The following FBXO16 variants were observed in gnomAD, a reference collection of about 807,000 sequenced individuals.
The protein encoded by FBXO16 is F-box only protein 16.
FBXO16 carries 31 observed loss-of-function variants against 41.0 expected under a neutral mutation model. The ratio of observed to expected loss-of-function variants is 0.76; its 90% CI spans 0.57 to 1.02. The LOEUF (loss-of-function observed/expected upper bound fraction) is 1.02, where lower values mean the gene tolerates loss of function less well. FBXO16 is among the 50% of genes least tolerant of loss of function. The pLI, the probability that FBXO16 is intolerant of heterozygous loss-of-function variation, is 0.00. For synonymous variants in FBXO16, 133 were observed against 117.8 expected, an observed-to-expected ratio of 1.13 and a Z score of -0.84; for missense variants, 361 against 346.2, an observed-to-expected ratio of 1.04 and a Z score of -0.34.
At chr8:28,451,532 C>G (rs1037174492) in intron 6 of FBXO16, among the ~76,000 whole-genome samples, 2 of 150,768 alleles carry the variant, frequency 1.3e-5, no homozygotes, top group African/African-American at 2.4e-5. Flanking sequence ...GCTTTACTTT[C>G]GGAATGTATT....
chr8:28,454,360 T>C (rs1803002800), intron 5 of FBXO16, among the ~76,000 whole-genome samples: 1 of 151,744 alleles, frequency 6.6e-6, no homozygotes, highest in Admixed American at 6.6e-5. Flanking sequence ...CTGCTGGGAA[T>C]AAATAACATA....
chr8:28,452,564 G>A (rs1802973125), intron 5 of FBXO16, 88 bp from the exon 6 acceptor site: 10 of 1,262,822 alleles, frequency 7.9e-6, no homozygotes, highest in Non-Finnish European at 1.1e-6. Flanking sequence ...ACTTTGGGAG[G>A]CCAAGGCAGG....
chr8:28,473,617 T>A (rs1014956566), intron 3 of FBXO16, among the ~76,000 whole-genome samples, 155 bp downstream of exon 3: 2 of 152,196 alleles, frequency 1.3e-5, no homozygotes, highest in East Asian at 3.9e-4. Flanking sequence ...TCCGGAACCA[T>A]GAAAAACAAA....
At chr8:28,464,562 T>C (rs763202544) in intron 3 of FBXO16, among the ~76,000 whole-genome samples, 1 of 152,238 alleles carries the variant, frequency 6.6e-6, no homozygotes, top group Non-Finnish European at 1.5e-5. Flanking sequence ...TTTTCTTCCC[T>C]GGCCCATTGG....
intron 2 of FBXO16, among the ~76,000 whole-genome samples, chr8:28,478,109 G>T (rs547648046): frequency 6.6e-6 from 1 of 152,178 alleles, no homozygotes; most frequent in Admixed American, 6.5e-5. Flanking sequence ...TACACACAAA[G>T]ATTTTTAAAA....
intron 7 of FBXO16, among the ~76,000 whole-genome samples, chr8:28,437,733 T>C (rs1261351378): frequency 6.6e-6 from 1 of 151,586 alleles, no homozygotes; most frequent in Admixed American, 6.6e-5. Context: ...ATTAACCAGG[T>C]GTGGTGGTGT....
intron 7 of FBXO16, among the ~76,000 whole-genome samples, chr8:28,434,877 C>T (rs1184753258): frequency 2.6e-5 from 4 of 152,252 alleles, no homozygotes; most frequent in Non-Finnish European, 5.9e-5. Flanking sequence ...CATGTTACCT[C>T]AAGGGAACGT....
chr8:28,436,709 AACACACATACAC>A (rs1382138709), intron 7 of FBXO16, among the ~76,000 whole-genome samples: 3 of 152,162 alleles, frequency 2.0e-5, no homozygotes, highest in Admixed American at 6.6e-5. Flanking sequence ...CATATTACGA[AACACACATACAC>A]ACACACATGC....
At chr8:28,479,650 T>C (rs1803480243) in intron 2 of FBXO16, among the ~76,000 whole-genome samples, 1 of 152,216 alleles carries the variant, frequency 6.6e-6, no homozygotes, top group Non-Finnish European at 1.5e-5. Context: ...ATATAAACTG[T>C]GGGAGAGCTT....
At position 28,432,003 on chromosome 8, in the gene FBXO16, T is replaced by C. The variant is rs772735036; in HGVS notation, c.844-2600A>G. 2.4e-4 allele frequency among the ~76,000 whole-genome samples: 33 copies of C among 136,766 alleles called. 1 individual carries two copies. The highest frequency in any genetic ancestry group is 3.2e-4 in the Non-Finnish European group (22 of 68,010). 89.7% of individuals were successfully genotyped at this position (136,766 alleles called of 152,430 possible). A position where few individuals can be genotyped will look rare whatever the true frequency, so the allele number is the denominator to read the frequency against. On this transcript the variant is annotated intron_variant, in intron 7 of 8. Coordinates refer to ENST00000380254, the MANE Select transcript of FBXO16 (RefSeq NM_172366.4). ...TGTCTACTTCCAGTGATACTGCATA[T>C]GTAGTGAGCAAACGTAGACATAAAA...
intron 1 of FBXO16, among the ~76,000 whole-genome samples, chr8:28,487,783 T>C (rs539568575): frequency 1.3e-5 from 2 of 152,222 alleles, no homozygotes; most frequent in East Asian, 3.9e-4. Context: ...CTTCCACAGA[T>C]GTCTTGCTGT....
intron 4 of FBXO16, among the ~76,000 whole-genome samples, chr8:28,459,872 C>T (rs927101755): frequency 2.0e-5 from 3 of 150,902 alleles, no homozygotes; most frequent in African/African-American, 7.3e-5. Context: ...AGTAAAAGTA[C>T]AAAAATTAGC....
intron 7 of FBXO16, among the ~76,000 whole-genome samples, chr8:28,438,667 T>C (rs1802719813): frequency 6.6e-6 from 1 of 152,240 alleles, no homozygotes; most frequent in Non-Finnish European, 1.5e-5. Flanking sequence ...TTCGTTAGTC[T>C]TGTTACTAAC....
intron 7 of FBXO16, among the ~76,000 whole-genome samples, chr8:28,440,060 AG>A (rs1402262085): frequency 2.6e-5 from 4 of 151,234 alleles, no homozygotes; most frequent in African/African-American, 9.7e-5. Flanking sequence ...GTGAATGCTT[AG>A]AAACCCATGG....
At chr8:28,429,267 G>T in intron 8 of FBXO16, 111 bp downstream of exon 8, 1 of 1,221,452 alleles carries the variant, frequency 8.2e-7, no homozygotes, top group Non-Finnish European at 1.2e-6. Flanking sequence ...ATCAGCGTGA[G>T]CCACTGTGCC....
intron 3 of FBXO16, among the ~76,000 whole-genome samples, chr8:28,466,562 T>C (rs1014234652): frequency 6.7e-6 from 1 of 149,752 alleles, no homozygotes; most frequent in Non-Finnish European, 1.5e-5. Context: ...GAGGCCGAGG[T>C]GGGTGGATCA....
intron 7 of FBXO16, among the ~76,000 whole-genome samples, chr8:28,435,996 A>T (rs1260332156): frequency 6.6e-6 from 1 of 152,224 alleles, no homozygotes; most frequent in African/African-American, 2.4e-5. Context: ...TGGTTTTAGC[A>T]GTGCAAGCAC....
chr8:28,473,389 C>G (rs973883753), intron 3 of FBXO16, among the ~76,000 whole-genome samples: 1 of 152,088 alleles, frequency 6.6e-6, no homozygotes, highest in Admixed American at 6.5e-5. Flanking sequence ...CTCAACCCCC[C>G]AGTGTGATGG....
intron 4 of FBXO16, among the ~76,000 whole-genome samples, chr8:28,462,304 C>T (rs1231052273): frequency 1.4e-5 from 2 of 144,840 alleles, no homozygotes; most frequent in Non-Finnish European, 3.0e-5. Flanking sequence ...TCTGAGACGG[C>T]GTCTCGCTCT....
Sources: gnomAD v4.1 joint callset for allele counts (sites outside exome capture counted in the v4.1 genomes callset) on GRCh38, gnomAD v4.1.1 for gene constraint, MANE v1.5 for transcripts, NCBI Gene and HGNC (gene_info 2026-07-23, HGNC 2026-07-21) for gene names.